Variants in VPS13B observed in about 807,000 individuals in gnomAD.
VPS13B encodes vacuolar protein sorting 13 homolog B.
VPS13B carries 285 observed loss-of-function variants against 426.4 expected under a neutral mutation model. The ratio of observed to expected loss-of-function variants is 0.67; its 90% CI spans 0.61 to 0.74. VPS13B has a LOEUF of 0.74. Among genes scored for constraint, VPS13B ranks in the 30% least tolerant of loss-of-function variants. VPS13B has a pLI of 0.00. For synonymous variants in VPS13B, 1,676 were observed against 1,676.4 expected (o/e 1.00, Z 0.01); for missense variants, 4,537 against 4,782.6 (o/e 0.95, Z 1.51).
intron 19 of VPS13B, among the ~76,000 whole-genome samples, chr8:99,312,744 A>G (rs1319249486): frequency 3.9e-5 from 6 of 152,176 alleles, no homozygotes; most frequent in Non-Finnish European, 7.3e-5. Flanking sequence ...AGTTCTCCGG[A>G]TAATATCTTG....
intron 8 of VPS13B, 147 bp downstream of exon 8, chr8:99,121,592 T>C: frequency 1.4e-6 from 2 of 1,451,786 alleles, no homozygotes; most frequent in Non-Finnish European, 1.8e-6. Context: ...TAAAATTACA[T>C]GGCTCCTCCA....
chr8:99,752,431 T>G (rs1050187238), intron 39 of VPS13B, among the ~76,000 whole-genome samples: 1 of 152,186 alleles, frequency 6.6e-6, no homozygotes, highest in Admixed American at 6.5e-5. Flanking sequence ...TATTGGAACA[T>G]AGACACATAT....
chr8:99,237,896 T>A (rs1816725384), intron 17 of VPS13B, among the ~76,000 whole-genome samples: 1 of 151,056 alleles, frequency 6.6e-6, no homozygotes, highest in Non-Finnish European at 1.5e-5. Flanking sequence ...TAATTAAGAA[T>A]GGCAAACTCC....
At chr8:99,227,882 G>A (rs1267218052) in intron 17 of VPS13B, among the ~76,000 whole-genome samples, 1 of 152,102 alleles carries the variant, frequency 6.6e-6, no homozygotes, top group African/African-American at 2.4e-5. Context: ...TGCCATTGAT[G>A]ACCCAATGCT....
intron 2 of VPS13B, among the ~76,000 whole-genome samples, chr8:99,037,704 A>C (rs1842809201): frequency 6.6e-6 from 1 of 152,166 alleles, no homozygotes; most frequent in Non-Finnish European, 1.5e-5. Context: ...GAGACAAATG[A>C]GCATAAAGCA....
chr8:99,321,798 G>A (rs1810001955), intron 19 of VPS13B, among the ~76,000 whole-genome samples: 1 of 152,152 alleles, frequency 6.6e-6, no homozygotes, highest in Non-Finnish European at 1.5e-5. Flanking sequence ...TGAGAAATGT[G>A]TTATGGGATA....
At chr8:99,847,269 C>T (rs1201808399) in intron 54 of VPS13B, among the ~76,000 whole-genome samples, 1 of 152,190 alleles carries the variant, frequency 6.6e-6, no homozygotes, top group Non-Finnish European at 1.5e-5. Context: ...AACAAATGGA[C>T]TCCATTTCTG....
intron 33 of VPS13B, among the ~76,000 whole-genome samples, chr8:99,611,558 A>C (rs1295430271): frequency 6.6e-6 from 1 of 152,066 alleles, no homozygotes; most frequent in Non-Finnish European, 1.5e-5. Flanking sequence ...ACCAAAAAAC[A>C]TACAAACAAA....
In VPS13B at chr8:99,832,568, T is replaced by C. The variant is rs199559979; in HGVS notation, c.9530T>C (p.Leu3177Pro). 1.5e-4 allele frequency: 242 copies of C among 1,613,826 alleles called. No homozygotes were observed. Among genetic ancestry groups the C allele is most frequent in the Non-Finnish European group, 1.9e-4 (225 of 1,180,012 alleles). ...GCTGACAGCTCACAGTGCTGGAGCC[T>C]GCCAGCTATAGTTAGACCAGAGTTT... The part of the protein sequence containing the change: ...PGADSSQCWS[L>P]PAIVRPEFPR... The change falls in exon 52 of 62, where the codon CTG becomes CCG. Residue 3177 changes from leucine (L) to proline (P), a missense_variant. Transcript: ENST00000357162.
intron 3 of VPS13B, among the ~76,000 whole-genome samples, chr8:99,067,863 A>G (rs1294126059): frequency 1.3e-5 from 2 of 152,260 alleles, no homozygotes; most frequent in African/African-American, 4.8e-5. Flanking sequence ...CTTCTTATAC[A>G]TTGAATACTC....
At chr8:99,176,512 A>G (rs1232348772) in intron 16 of VPS13B, among the ~76,000 whole-genome samples, 3 of 152,188 alleles carry the variant, frequency 2.0e-5, no homozygotes, top group African/African-American at 4.8e-5. Context: ...GAAAAAAGCC[A>G]TGATGCTATA....
intron 15 of VPS13B, among the ~76,000 whole-genome samples, chr8:99,165,740 C>G (rs1811964882): frequency 6.6e-6 from 1 of 152,186 alleles, no homozygotes; most frequent in Non-Finnish European, 1.5e-5. Context: ...GAAAGCACAT[C>G]TACCTTACCA....
chr8:99,665,433 A>C (rs1167042944), intron 35 of VPS13B, among the ~76,000 whole-genome samples: 2 of 152,188 alleles, frequency 1.3e-5, no homozygotes, highest in African/African-American at 2.4e-5. Flanking sequence ...GTTTTCTTCT[A>C]GGGTTTTTAT....
intron 27 of VPS13B, among the ~76,000 whole-genome samples, chr8:99,505,619 A>C (rs1183166439): frequency 6.6e-6 from 1 of 152,190 alleles, no homozygotes; most frequent in Non-Finnish European, 1.5e-5. Flanking sequence ...ATAATGTCAA[A>C]AATCACTGAT....
At chr8:99,816,316 G>C (rs1814035650) in intron 44 of VPS13B, among the ~76,000 whole-genome samples, 1 of 151,984 alleles carries the variant, frequency 6.6e-6, no homozygotes, top group Non-Finnish European at 1.5e-5. Context: ...TGGTCAGGCT[G>C]GTCTCGAACT....
intron 19 of VPS13B, among the ~76,000 whole-genome samples, chr8:99,374,007 T>C (rs1813336343): frequency 6.6e-6 from 1 of 152,208 alleles, no homozygotes; most frequent in Non-Finnish European, 1.5e-5. Flanking sequence ...AATTCTATCA[T>C]TTTTATTTTG....
At chr8:99,818,084 G>A (rs1432872101) in intron 45 of VPS13B, among the ~76,000 whole-genome samples, 1 of 152,162 alleles carries the variant, frequency 6.6e-6, no homozygotes, top group Non-Finnish European at 1.5e-5. Context: ...GGGTGGGACT[G>A]TGGGGGTGGT....
intron 30 of VPS13B, among the ~76,000 whole-genome samples, chr8:99,541,878 T>C (rs1057394260): frequency 6.6e-6 from 1 of 152,164 alleles, no homozygotes; most frequent in African/African-American, 2.4e-5. Flanking sequence ...ATATATAATA[T>C]GTTAAACATA....
At chr8:99,199,035 A>C (rs1814126557) in intron 17 of VPS13B, among the ~76,000 whole-genome samples, 1 of 152,144 alleles carries the variant, frequency 6.6e-6, no homozygotes, top group Non-Finnish European at 1.5e-5. Context: ...GCTTTGTTTA[A>C]TATGTTTTGT....
Sources: gnomAD v4.1 joint callset for allele counts (sites outside exome capture counted in the v4.1 genomes callset) on GRCh38, gnomAD v4.1.1 for gene constraint, MANE v1.5 for transcripts, NCBI Gene and HGNC (gene_info 2026-07-23, HGNC 2026-07-21) for gene names.